Variants in RUNX1 observed in about 807,000 individuals in gnomAD.
RUNX1 encodes RUNX family transcription factor 1, also known as runt-related transcription factor 1.
A neutral mutation model predicts 42.8 loss-of-function variants in RUNX1; 19 were observed. That is an observed-to-expected ratio of 0.44 (90% confidence interval 0.31 to 0.65). RUNX1 has a LOEUF of 0.65. Ranked by LOEUF, RUNX1 falls within the 30% of genes least tolerant of loss-of-function variation. RUNX1 has a pLI of 0.07. For missense variants in RUNX1, 528 were observed against 672.0 expected (o/e 0.79, Z 2.37); for synonymous variants, 271 against 289.4 (o/e 0.94, Z 0.64).
chr21:34,942,477 C>T (rs1245437954), intron 2 of RUNX1, among the ~76,000 whole-genome samples: 1 of 152,194 alleles, frequency 6.6e-6, no homozygotes, highest in Non-Finnish European at 1.5e-5. Context: ...TGCCTTTCTT[C>T]CCTCTGCTCT....
chr21:34,819,359 G>T (rs892418167), intron 7 of RUNX1, among the ~76,000 whole-genome samples: 1 of 152,212 alleles, frequency 6.6e-6, no homozygotes, highest in East Asian at 1.9e-4. Flanking sequence ...GGAAGATGGA[G>T]ATGACAGGTC....
chr21:35,013,953 G>A (rs1272854389), intron 2 of RUNX1, among the ~76,000 whole-genome samples: 1 of 152,010 alleles, frequency 6.6e-6, no homozygotes, highest in Non-Finnish European at 1.5e-5. Flanking sequence ...TTTTAAAAGA[G>A]ACAAAAGTAG....
intron 2 of RUNX1, among the ~76,000 whole-genome samples, chr21:34,958,317 T>C (rs2058659516): frequency 6.6e-6 from 1 of 152,050 alleles, no homozygotes; most frequent in Non-Finnish European, 1.5e-5. Context: ...TGATTTTAAG[T>C]CCTTCCTTGC....
At chr21:35,013,212 T>G (rs2059137826) in intron 2 of RUNX1, among the ~76,000 whole-genome samples, 1 of 152,206 alleles carries the variant, frequency 6.6e-6, no homozygotes, top group Non-Finnish European at 1.5e-5. Flanking sequence ...GTAAATAACA[T>G]TATATTGGGG....
At chr21:34,888,558 A>G (rs2058031862) in intron 3 of RUNX1, 3 of 1,063,274 alleles carry the variant, frequency 2.8e-6, no homozygotes, top group Non-Finnish European at 3.4e-6. Flanking sequence ...GAGAAGCAGC[A>G]GAGGTTGACT....
At position 34,801,370 on chromosome 21, in the gene RUNX1, C is replaced by T. The variant is rs532045249; in HGVS notation, c.806-1908G>A. ...AAGTACTATGCCATGATTCATGCTC[C>T]GTCATGTTTTACTGTAGTGAAAAAG... On this transcript the variant is annotated intron_variant, in intron 7 of 8. Transcript: ENST00000675419. 1.3e-3 allele frequency among the ~76,000 whole-genome samples: 193 copies of T among 152,260 alleles called. 1 individual carries two copies. Among genetic ancestry groups the T allele is most frequent in the African/African-American group, 4.4e-3 (183 of 41,540 alleles).
At position 34,886,917 on chromosome 21, in the gene RUNX1, C is replaced by A. The variant is rs757412228; in HGVS notation, c.277G>T (p.Asp93Tyr). The A allele has an allele frequency of 6.2e-7, 1 of 1,613,488 alleles. No individual in the cohort carries two copies. Among genetic ancestry groups the A allele is most frequent in the Non-Finnish European group, 8.5e-7 (1 of 1,179,748 alleles). The change falls in exon 4 of 9, where the codon GAC becomes TAC. Residue 93 changes from aspartate to tyrosine, a missense_variant. This residue lies in a region of RUNX1 where 83 missense variants were observed against 174.5 expected (regional missense o/e 0.48). Coordinates refer to ENST00000675419, the MANE Select transcript of RUNX1 (RefSeq NM_001754.5). Reference protein sequence around the residue: ...ADHPGELVRTDSPNFLCSVLP... With the variant: ...ADHPGELVRTYSPNFLCSVLP... ...ACGGAGCAGAGGAAGTTGGGGCTGT[C>A]GGTGCGCACCAGCTCGCCCGGGTGG...
intron 2 of RUNX1, among the ~76,000 whole-genome samples, chr21:34,949,723 G>A (rs946010199): frequency 1.5e-4 from 23 of 152,236 alleles, no homozygotes; most frequent in Admixed American, 5.9e-4. Context: ...CTGTCACAGC[G>A]TGGAGTGGGA....
intron 5 of RUNX1, among the ~76,000 whole-genome samples, chr21:34,862,070 C>A (rs1156500664): frequency 6.6e-6 from 1 of 151,148 alleles, no homozygotes; most frequent in Non-Finnish European, 1.5e-5. Context: ...ATAGATAATG[C>A]CATTGTCCCA....
intron 2 of RUNX1, among the ~76,000 whole-genome samples, chr21:35,010,259 C>T (rs2059115961): frequency 6.6e-6 from 1 of 152,050 alleles, no homozygotes; most frequent in Admixed American, 6.6e-5. Context: ...GCTCCAAAAA[C>T]ATTATTTTTA....
At chr21:34,883,131 C>A (rs1181644680) in intron 4 of RUNX1, among the ~76,000 whole-genome samples, 2 of 152,192 alleles carry the variant, frequency 1.3e-5, no homozygotes, top group South Asian at 2.1e-4. Context: ...ATTCAGGAGA[C>A]CTTCGCCAAG....
chr21:34,973,419 T>C (rs112985712), intron 2 of RUNX1, among the ~76,000 whole-genome samples: 3,819 of 152,332 alleles, frequency 0.025, 157 homozygotes, highest in African/African-American at 0.087. Context: ...TTTCCAGGAC[T>C]AATCCAGTGT....
intron 8 of RUNX1, among the ~76,000 whole-genome samples, chr21:34,793,226 G>C (rs760935550): frequency 6.6e-6 from 1 of 152,016 alleles, no homozygotes; most frequent in Non-Finnish European, 1.5e-5. Context: ...AGGAGGACGG[G>C]GATCAGGAGG....
At chr21:34,799,899 A>G (rs767470313) in intron 7 of RUNX1, among the ~76,000 whole-genome samples, 7 of 152,216 alleles carry the variant, frequency 4.6e-5, no homozygotes, top group Non-Finnish European at 1.0e-4. Flanking sequence ...TGTGTTCGGT[A>G]AGAACGTAGA....
intron 6 of RUNX1, among the ~76,000 whole-genome samples, chr21:34,859,119 C>G (rs1281523699): frequency 2.0e-5 from 3 of 152,206 alleles, no homozygotes. Flanking sequence ...CTTTGGGCTG[C>G]CTCTGTGCCT....
intron 2 of RUNX1, among the ~76,000 whole-genome samples, chr21:34,945,387 C>A (rs1219519557): frequency 6.6e-6 from 1 of 152,204 alleles, no homozygotes; most frequent in Non-Finnish European, 1.5e-5. Flanking sequence ...CTTGGCCTTG[C>A]AGCCTAGTTT....
At chr21:34,970,824 T>C (rs1445706920) in intron 2 of RUNX1, among the ~76,000 whole-genome samples, 1 of 152,056 alleles carries the variant, frequency 6.6e-6, no homozygotes, top group Admixed American at 6.5e-5. Context: ...GGGTGAAGAG[T>C]ATACAGCCAT....
intron 5 of RUNX1, among the ~76,000 whole-genome samples, chr21:34,872,808 C>T (rs2057759215): frequency 6.6e-6 from 1 of 152,126 alleles, no homozygotes; most frequent in African/African-American, 2.4e-5. Flanking sequence ...CTAGATGCCA[C>T]CGGCACTCCC....
intron 2 of RUNX1, among the ~76,000 whole-genome samples, chr21:34,967,612 A>G (rs2146733143): frequency 6.6e-6 from 1 of 152,314 alleles, no homozygotes; most frequent in South Asian, 2.1e-4. Flanking sequence ...CTCCAGCCCC[A>G]TAGTGGTGAG....
Sources: allele counts gnomAD v4.1 joint callset (sites outside exome capture counted in the v4.1 genomes callset), GRCh38; gene constraint gnomAD v4.1.1; regional missense constraint gnomAD v4.1.1; transcripts MANE v1.5; gene names NCBI Gene and HGNC (gene_info 2026-07-23, HGNC 2026-07-21).